ANKS1B: variants seen among roughly 807,000 people sequenced by gnomAD.
ANKS1B encodes ankyrin repeat and sterile alpha motif domain-containing protein 1B.
In ANKS1B, 36 loss-of-function variants were observed where a neutral mutation model predicts 148.3. The observed-to-expected ratio is 0.24, with a 90% CI of 0.19 to 0.32. The LOEUF is 0.32. Ranked by LOEUF, ANKS1B falls within the 10% of genes least tolerant of loss-of-function variation. The pLI is 1.00. For synonymous variants in ANKS1B, 542 were observed against 560.8 expected (o/e 0.97, Z 0.47); for missense variants, 1,157 against 1,542.6 (o/e 0.75, Z 4.19).
rs564553656 is a variant in ANKS1B, at chr12:98,860,487, C to T, written c.2779-28351G>A. ...CTACAGCCCTCATCCAAAATATGCACAAAATTAGAAGGCAAAAATAAAAAA... is the reference window on the plus strand; with the variant it reads ...CTACAGCCCTCATCCAAAATATGCATAAAATTAGAAGGCAAAAATAAAAAA... On this transcript the variant is annotated intron_variant, in intron 17 of 26. Transcript: ENST00000683438. Among the ~76,000 whole-genome samples, 4 of 152,050 alleles carry T rather than the reference C, an allele frequency of 2.6e-5. No individual in the cohort carries two copies. The East Asian group carries it at 7.7e-4, about 29-fold the overall frequency.
At chr12:99,624,032 A>G (rs775813407) in intron 9 of ANKS1B, among the ~76,000 whole-genome samples, 1 of 152,142 alleles carries the variant, frequency 6.6e-6, no homozygotes, top group Non-Finnish European at 1.5e-5. Flanking sequence ...TAACCAAAAC[A>G]GCATGGTACT....
chr12:99,445,847 G>A (rs1160045382), intron 10 of ANKS1B, among the ~76,000 whole-genome samples: 1 of 151,804 alleles, frequency 6.6e-6, no homozygotes, highest in African/African-American at 2.4e-5. Context: ...TTAGCATCCT[G>A]AGTATCTGGG....
chr12:98,944,724 T>C (rs1257176273), intron 17 of ANKS1B, among the ~76,000 whole-genome samples: 2 of 152,244 alleles, frequency 1.3e-5, no homozygotes, highest in African/African-American at 2.4e-5. Flanking sequence ...TGGAATGAAA[T>C]ACTCTTGGAG....
intron 10 of ANKS1B, among the ~76,000 whole-genome samples, chr12:99,498,178 C>T (rs149995504): frequency 3.8e-4 from 58 of 152,214 alleles, no homozygotes; most frequent in African/African-American, 1.2e-3. Context: ...TGAATCTTCC[C>T]GCTTTCAACT....
chr12:99,767,241 G>A (rs1484748870), intron 8 of ANKS1B, among the ~76,000 whole-genome samples: 1 of 152,014 alleles, frequency 6.6e-6, no homozygotes, highest in East Asian at 1.9e-4. Flanking sequence ...CATAGTTGCT[G>A]AACAAAATTG....
At chr12:99,513,257 C>T (rs1306932904) in intron 9 of ANKS1B, among the ~76,000 whole-genome samples, 1 of 152,006 alleles carries the variant, frequency 6.6e-6, no homozygotes, top group African/African-American at 2.4e-5. Flanking sequence ...TGCTATTGCA[C>T]ACTTCATAAA....
intron 17 of ANKS1B, among the ~76,000 whole-genome samples, chr12:98,996,690 G>A (rs1338034722): frequency 6.6e-6 from 1 of 151,752 alleles, no homozygotes; most frequent in Non-Finnish European, 1.5e-5. Flanking sequence ...GTGGGCGCCT[G>A]TAGTCCCAGC....
intron 17 of ANKS1B, among the ~76,000 whole-genome samples, chr12:98,888,026 G>A (rs1327646963): frequency 6.6e-6 from 1 of 152,190 alleles, no homozygotes; most frequent in Non-Finnish European, 1.5e-5. Flanking sequence ...TTTATAGAAA[G>A]ATGCCTTAAA....
At chr12:99,676,031 T>C (rs532330727) in intron 8 of ANKS1B, among the ~76,000 whole-genome samples, 3 of 152,258 alleles carry the variant, frequency 2.0e-5, no homozygotes, top group East Asian at 3.9e-4. Flanking sequence ...TGGGAGGTAA[T>C]TGACTCATGG....
At chr12:99,365,550 A>G (rs2092718643) in intron 12 of ANKS1B, among the ~76,000 whole-genome samples, 1 of 152,132 alleles carries the variant, frequency 6.6e-6, no homozygotes, top group Non-Finnish European at 1.5e-5. Flanking sequence ...AGAGTGCCTC[A>G]AAGGTAAGAA....
At chr12:99,689,810 C>T (rs2098669185) in intron 8 of ANKS1B, among the ~76,000 whole-genome samples, 1 of 152,100 alleles carries the variant, frequency 6.6e-6, no homozygotes, top group Admixed American at 6.6e-5. Context: ...GTGAATTTAA[C>T]CAAAAACACA....
chr12:99,380,773 C>CTTCCTTCT (rs2093608839), intron 12 of ANKS1B, among the ~76,000 whole-genome samples: 2 of 109,006 alleles, frequency 1.8e-5, no homozygotes, highest in Non-Finnish European at 3.9e-5. Flanking sequence ...TCCTTCCTTC[C>CTTCCTTCT]TTCCTTCCTT....
intron 10 of ANKS1B, among the ~76,000 whole-genome samples, chr12:99,454,169 G>C (rs1179232201): frequency 6.6e-6 from 1 of 152,110 alleles, no homozygotes; most frequent in Non-Finnish European, 1.5e-5. Flanking sequence ...GCAAGATAAA[G>C]TATTCAGATG....
At chr12:98,970,234 C>T (rs916767280) in intron 17 of ANKS1B, among the ~76,000 whole-genome samples, 1 of 152,056 alleles carries the variant, frequency 6.6e-6, no homozygotes, top group Non-Finnish European at 1.5e-5. Context: ...TCATTTGTTT[C>T]ATTTGTTATA....
intron 9 of ANKS1B, among the ~76,000 whole-genome samples, chr12:99,611,813 C>T (rs1266634691): frequency 6.6e-6 from 1 of 152,034 alleles, no homozygotes; most frequent in South Asian, 2.1e-4. Context: ...ATGCGTCATA[C>T]CTAATGTACA....
intron 9 of ANKS1B, among the ~76,000 whole-genome samples, chr12:99,546,005 T>C (rs994905476): frequency 6.6e-6 from 1 of 151,996 alleles, no homozygotes; most frequent in Non-Finnish European, 1.5e-5. Flanking sequence ...TACTGAAAAA[T>C]GTATGGACTT....
chr12:99,765,135 T>G (rs561466797), intron 8 of ANKS1B, among the ~76,000 whole-genome samples: 1 of 152,266 alleles, frequency 6.6e-6, no homozygotes, highest in South Asian at 2.1e-4. Context: ...TACATTCAGA[T>G]CCAAGATTTA....
intron 17 of ANKS1B, among the ~76,000 whole-genome samples, chr12:98,967,221 T>C (rs2099878908): frequency 6.6e-6 from 1 of 152,052 alleles, no homozygotes; most frequent in African/African-American, 2.4e-5. Context: ...CCCAAATGAC[T>C]CCTAATATGA....
chr12:99,430,183 T>A (rs1380741253), intron 11 of ANKS1B, among the ~76,000 whole-genome samples: 2 of 152,020 alleles, frequency 1.3e-5, no homozygotes, highest in South Asian at 4.1e-4. Context: ...GTGATAAATA[T>A]AGAAGATAAA....
Sources: allele counts gnomAD v4.1 joint callset (sites outside exome capture counted in the v4.1 genomes callset), GRCh38; gene constraint gnomAD v4.1.1; transcripts MANE v1.5; gene names NCBI Gene and HGNC (gene_info 2026-07-23, HGNC 2026-07-21).